IQCM: variants seen among roughly 807,000 people sequenced by gnomAD.
IQCM encodes IQ domain-containing protein M.
In IQCM, 45 loss-of-function variants were observed where a neutral mutation model predicts 57.6. The observed-to-expected ratio is 0.78, with a 90% confidence interval of 0.62 to 1.00. The LOEUF is 1.00. Among genes scored for constraint, IQCM ranks in the 50% least tolerant of loss-of-function variants. The pLI, the probability that IQCM is intolerant of heterozygous loss-of-function variation, is 0.00. For synonymous variants in IQCM, 148 were observed against 158.9 expected (o/e 0.93, Z 0.51); for missense variants, 468 against 511.6 (o/e 0.91, Z 0.82).
chr4:149,400,370 T>C (rs1732532939), intron 13 of IQCM, among the ~76,000 whole-genome samples: 1 of 151,916 alleles, frequency 6.6e-6, no homozygotes, highest in Non-Finnish European at 1.5e-5. Flanking sequence ...ATAGGGACAA[T>C]GTGAGTGCCT....
chr4:149,358,679 G>C (rs1729190010), intron 13 of IQCM, among the ~76,000 whole-genome samples: 1 of 152,000 alleles, frequency 6.6e-6, no homozygotes, highest in African/African-American at 2.4e-5. Flanking sequence ...TCATTACTAA[G>C]CTGGCAAAGA....
At chr4:149,794,261 A>T (rs893512269) in intron 2 of IQCM, among the ~76,000 whole-genome samples, 1 of 152,212 alleles carries the variant, frequency 6.6e-6, no homozygotes, top group African/African-American at 2.4e-5. Flanking sequence ...CCACATTTTC[A>T]CTTTCAGACA....
At chr4:149,653,900 A>T (rs1486750601) in intron 7 of IQCM, among the ~76,000 whole-genome samples, 1 of 152,140 alleles carries the variant, frequency 6.6e-6, no homozygotes, top group Admixed American at 6.6e-5. Context: ...TGGGAAAAAA[A>T]TGTACTATAT....
intron 12 of IQCM, among the ~76,000 whole-genome samples, chr4:149,503,179 C>T (rs1459144217): frequency 6.6e-6 from 1 of 152,090 alleles, no homozygotes; most frequent in Non-Finnish European, 1.5e-5. Context: ...TATGATCATG[C>T]CACTGCACTT....
chr4:149,572,251 G>A (rs1013310555), intron 9 of IQCM, among the ~76,000 whole-genome samples: 1 of 151,510 alleles, frequency 6.6e-6, no homozygotes, highest in Admixed American at 6.6e-5. Context: ...AATATCTATT[G>A]CTGATCCTTT....
chr4:149,510,732 C>T (rs1744317633), intron 12 of IQCM, among the ~76,000 whole-genome samples: 1 of 151,940 alleles, frequency 6.6e-6, no homozygotes, highest in Admixed American at 6.6e-5. Context: ...ATAAAATGAC[C>T]CTAAATTTGG....
intron 5 of IQCM, among the ~76,000 whole-genome samples, chr4:149,716,874 A>G (rs1188302044): frequency 5.3e-5 from 8 of 152,132 alleles, no homozygotes; most frequent in Non-Finnish European, 1.2e-4. Flanking sequence ...AATTGAGTTA[A>G]TAATCAATCA....
At chr4:149,612,969 C>G (rs1368517890) in intron 8 of IQCM, among the ~76,000 whole-genome samples, 1 of 151,888 alleles carries the variant, frequency 6.6e-6, no homozygotes, top group Non-Finnish European at 1.5e-5. Flanking sequence ...TGAGTTAATT[C>G]CAACCCCACT....
chr4:149,790,416 A>G, intron 2 of IQCM: 1 of 169,300 alleles, frequency 5.9e-6, no homozygotes. Context: ...AAGTTATTTC[A>G]AGCTTTCTTC....
intron 7 of IQCM, among the ~76,000 whole-genome samples, chr4:149,621,796 C>A (rs1409109086): frequency 6.6e-6 from 1 of 152,082 alleles, no homozygotes; most frequent in Non-Finnish European, 1.5e-5. Context: ...AAGATTTCTA[C>A]AGAAACCATT....
At chr4:149,697,897 GTTCT>G (rs1161976310) in intron 5 of IQCM, among the ~76,000 whole-genome samples, 13 of 152,118 alleles carry the variant, frequency 8.5e-5, no homozygotes, top group African/African-American at 2.9e-4. Flanking sequence ...TATGTTATGA[GTTCT>G]TTAAGAATGG....
intron 6 of IQCM, among the ~76,000 whole-genome samples, 163 bp downstream of exon 6, chr4:149,686,215 T>G (rs1487437304): frequency 6.6e-6 from 1 of 151,326 alleles, no homozygotes; most frequent in African/African-American, 2.4e-5. Flanking sequence ...AAACAAAAAT[T>G]TTGATAATTG....
At chr4:149,520,328 G>C (rs965048667) in intron 12 of IQCM, among the ~76,000 whole-genome samples, 2 of 150,830 alleles carry the variant, frequency 1.3e-5, no homozygotes, top group Admixed American at 1.3e-4. Context: ...CCACATGGCT[G>C]ACTCCAGACC....
At chr4:149,691,663 T>C (rs1240997907) in intron 5 of IQCM, 1 of 152,118 alleles carries the variant, frequency 6.6e-6, no homozygotes, top group Non-Finnish European at 1.5e-5. Flanking sequence ...GTTGTTGTTT[T>C]ATTTTTCAAG....
intron 12 of IQCM, among the ~76,000 whole-genome samples, chr4:149,522,092 G>A (rs997237757): frequency 2.6e-5 from 4 of 152,218 alleles, no homozygotes; most frequent in African/African-American, 9.6e-5. Context: ...GGAGCCAGCA[G>A]ATAATCCCAG....
intron 2 of IQCM, among the ~76,000 whole-genome samples, chr4:149,782,709 CT>C (rs1283179157): frequency 6.6e-6 from 1 of 151,296 alleles, no homozygotes; most frequent in Non-Finnish European, 1.5e-5. Flanking sequence ...CTATCAACCA[CT>C]GTGAATCTAA....
In IQCM at chr4:149,562,453, A is replaced by G. The variant is rs138701277; in HGVS notation, c.948+1239T>C. 1.3e-3 allele frequency among the ~76,000 whole-genome samples: 200 copies of G among 152,326 alleles called. 1 individual carries two copies. The highest frequency in any genetic ancestry group is 4.5e-3 in the African/African-American group (186 of 41,586). ...ACAATGAGTGGTAGAACAGTTTATC[A>G]ATATAGATAGTTACAGAAAAGAAAG... On this transcript the variant is annotated intron_variant, in intron 10 of 13. Transcript: ENST00000636793.
At chr4:149,521,879 C>G (rs1458666658) in intron 12 of IQCM, among the ~76,000 whole-genome samples, 1 of 152,190 alleles carries the variant, frequency 6.6e-6, no homozygotes, top group African/African-American at 2.4e-5. Flanking sequence ...AAATCCGGGG[C>G]TCAGGCCAGG....
At chr4:149,616,251 G>A (rs1755780436) in intron 8 of IQCM, among the ~76,000 whole-genome samples, 1 of 152,078 alleles carries the variant, frequency 6.6e-6, no homozygotes, top group South Asian at 2.1e-4. Flanking sequence ...ACATACAATG[G>A]AATATTATTC....
Sources: gnomAD v4.1 joint callset for allele counts (sites outside exome capture counted in the v4.1 genomes callset) on GRCh38, gnomAD v4.1.1 for gene constraint, MANE v1.5 for transcripts, NCBI Gene and HGNC (gene_info 2026-07-23, HGNC 2026-07-21) for gene names.